Variants in STK39 observed in about 807,000 individuals in gnomAD.
The protein encoded by STK39 is serine/threonine kinase 39.
A neutral mutation model predicts 77.8 loss-of-function variants in STK39; 20 were observed. The observed-to-expected ratio is 0.26, with a 90% CI of 0.18 to 0.37. The LOEUF (loss-of-function observed/expected upper bound fraction) is 0.37. Among genes scored for constraint, STK39 ranks in the 10% least tolerant of loss-of-function variants. The probability of loss-of-function intolerance (pLI) is 1.00; values close to 1 mark genes in which losing one functional copy is unlikely to be tolerated. For missense variants in STK39, 479 were observed against 656.5 expected (o/e 0.73, Z 2.95); for synonymous variants, 246 against 234.1 (o/e 1.05, Z -0.47).
chr2:168,013,834 GTA>G (rs71003017), intron 15 of STK39, among the ~76,000 whole-genome samples: 121 of 85,864 alleles, frequency 1.4e-3, no homozygotes, highest in African/African-American at 4.8e-3. Context: ...GTGTGTGTGT[GTA>G]TGTGTTTGCA....
intron 5 of STK39, among the ~76,000 whole-genome samples, chr2:168,145,970 C>A (rs1189116551): frequency 6.6e-6 from 1 of 152,082 alleles, no homozygotes; most frequent in South Asian, 2.1e-4. Context: ...GTTCTTAGCA[C>A]CAGAGAGTGG....
intron 14 of STK39, among the ~76,000 whole-genome samples, chr2:168,031,308 C>A (rs903373558): frequency 1.3e-5 from 2 of 152,144 alleles, no homozygotes; most frequent in African/African-American, 4.8e-5. Context: ...CTTTTTAAAT[C>A]TGAAGATTCC....
At chr2:168,102,007 T>G (rs1686841443) in intron 10 of STK39, among the ~76,000 whole-genome samples, 1 of 152,208 alleles carries the variant, frequency 6.6e-6, no homozygotes, top group Non-Finnish European at 1.5e-5. Context: ...TTGCCTGTTT[T>G]GGGTATTTCA....
intron 1 of STK39, among the ~76,000 whole-genome samples, chr2:168,231,313 GT>G: frequency 6.6e-6 from 1 of 152,156 alleles, no homozygotes; most frequent in South Asian, 2.1e-4. Flanking sequence ...AAATGGCTAA[GT>G]TTTTTGCTGC....
intron 10 of STK39, among the ~76,000 whole-genome samples, chr2:168,096,453 C>T (rs982336065): frequency 6.6e-6 from 1 of 152,136 alleles, no homozygotes; most frequent in African/African-American, 2.4e-5. Context: ...GTGGGTGAAA[C>T]AGTCCAGTAC....
intron 17 of STK39, among the ~76,000 whole-genome samples, chr2:167,956,849 G>A (rs1331673815): frequency 6.6e-6 from 1 of 151,536 alleles, no homozygotes; most frequent in Non-Finnish European, 1.5e-5. Flanking sequence ...TGAATGACTG[G>A]GAATGGGCAA....
chr2:167,956,737 G>GGC (rs1691795749), intron 17 of STK39, among the ~76,000 whole-genome samples: 5 of 76,240 alleles, frequency 6.6e-5, no homozygotes, highest in Non-Finnish European at 1.3e-4. Context: ...CTCCCCCCCC[G>GGC]CCCCCTCAGA....
chr2:168,040,622 A>C (rs1685078704), intron 14 of STK39, among the ~76,000 whole-genome samples: 1 of 152,186 alleles, frequency 6.6e-6, no homozygotes, highest in Non-Finnish European at 1.5e-5. Flanking sequence ...AGATTTCTTC[A>C]CCTAGAATTT....
At chr2:168,174,036 T>C (rs2203708) in intron 2 of STK39, among the ~76,000 whole-genome samples, 39,899 of 152,180 alleles carry the variant, frequency 0.26, 5,873 homozygotes, top group East Asian at 0.56. Context: ...TGTGATTTGG[T>C]ATCTGAGTTT....
At chr2:168,044,545 G>T (rs964716840) in intron 14 of STK39, among the ~76,000 whole-genome samples, 1 of 152,278 alleles carries the variant, frequency 6.6e-6, no homozygotes, top group South Asian at 2.1e-4. Flanking sequence ...ACACTGAAAA[G>T]ATCAGCCTCT....
intron 1 of STK39, among the ~76,000 whole-genome samples, chr2:168,222,449 A>G (rs1559153578): frequency 6.6e-6 from 1 of 152,208 alleles, no homozygotes; most frequent in Non-Finnish European, 1.5e-5. Flanking sequence ...AAGATTCCTC[A>G]TCTCCTCATA....
chr2:168,196,861 G>A (rs1296646498), intron 1 of STK39, among the ~76,000 whole-genome samples: 2 of 152,120 alleles, frequency 1.3e-5, no homozygotes, highest in Non-Finnish European at 2.9e-5. Context: ...TGATTTTGGA[G>A]AGCTCAAGGG....
At chr2:168,047,398 T>C (rs530802674) in intron 14 of STK39, among the ~76,000 whole-genome samples, 205 of 152,326 alleles carry the variant, frequency 1.3e-3, no homozygotes, top group African/African-American at 4.8e-3. Context: ...GACTTCTCTT[T>C]CGGGGGAGGG....
In STK39 at chr2:168,247,349, C is replaced by T; in HGVS notation, c.87G>A (p.Ala29=). 1 of 1,049,276 alleles carries T rather than the reference C, an allele frequency of 9.5e-7. No individual in the cohort carries two copies. The highest frequency in any genetic ancestry group is 1.1e-6 in the Non-Finnish European group (1 of 869,642). 65.0% of individuals were successfully genotyped at this position (1,049,276 alleles called of 1,614,324 possible). ...CCGGGGCCGGCGCTGCTGTCGCGGC[C>T]GCCGGGGCCGCCGCCGCCGCCGCTG... The part of the protein sequence containing the change: ...PVTAAAAAAP[A]AATAAPAPAA... The change falls in exon 1 of 18, where the codon GCG becomes GCA. Residue 29 remains alanine (A), a synonymous_variant. Transcript: ENST00000355999.
rs1684583905 is a variant in STK39, at chr2:168,021,981, TAC to T, written c.1377-4888_1377-4887del. Among the ~76,000 whole-genome samples, 4 of 152,320 alleles carry T rather than the reference TAC, an allele frequency of 2.6e-5. No homozygotes were observed. In the South Asian group the frequency reaches 8.3e-4, roughly 32 times the overall value. ...TGTTTTATGCATGTACCAGCAAATA[TAC>T]ATATATATTGAATACAGATGATAGC... On this transcript the variant is annotated intron_variant, in intron 14 of 17. Coordinates refer to ENST00000355999, the MANE Select transcript of STK39 (RefSeq NM_013233.3).
chr2:168,041,138 T>C (rs1270205120), intron 14 of STK39, among the ~76,000 whole-genome samples: 1 of 152,142 alleles, frequency 6.6e-6, no homozygotes, highest in Non-Finnish European at 1.5e-5. Context: ...AGGAGCTGTG[T>C]TTTTAACAAG....
chr2:168,170,577 T>C (rs935873882), intron 2 of STK39, among the ~76,000 whole-genome samples: 1 of 152,218 alleles, frequency 6.6e-6, no homozygotes, highest in African/African-American at 2.4e-5. Context: ...AATCTGCATT[T>C]CTAGCAGGCT....
intron 3 of STK39, among the ~76,000 whole-genome samples, chr2:168,164,830 C>T (rs1688659248): frequency 6.6e-6 from 1 of 152,174 alleles, no homozygotes; most frequent in Non-Finnish European, 1.5e-5. Flanking sequence ...CATGTTTCAA[C>T]ACATATTAAT....
intron 14 of STK39, among the ~76,000 whole-genome samples, chr2:168,035,058 G>A (rs1166407896): frequency 1.3e-5 from 2 of 152,164 alleles, no homozygotes; most frequent in African/African-American, 4.8e-5. Flanking sequence ...TGAAAGACTT[G>A]GAACCAATAT....
Sources: allele counts gnomAD v4.1 joint callset (sites outside exome capture counted in the v4.1 genomes callset), GRCh38; gene constraint gnomAD v4.1.1; transcripts MANE v1.5; gene names NCBI Gene and HGNC (gene_info 2026-07-23, HGNC 2026-07-21).